The following RAB4B variants were observed in gnomAD, a reference collection of about 807,000 sequenced individuals.
The protein encoded by RAB4B is RAB4B, member RAS oncogene family, also known as ras-related protein Rab-4B.
A neutral mutation model predicts 28.3 loss-of-function variants in RAB4B; 15 were observed. The ratio of observed to expected loss-of-function variants is 0.53; its 90% CI spans 0.35 to 0.82. RAB4B has a LOEUF of 0.82. RAB4B is among the 40% of genes least tolerant of loss of function. The pLI is 0.01. For missense variants in RAB4B, 244 were observed against 288.5 expected (o/e 0.85, Z 1.12); for synonymous variants, 108 against 116.3 (o/e 0.93, Z 0.46).
rs200729649 is a variant in RAB4B at position 40,793,578 on chromosome 19, T to G, written c.*16-2992T>G. 9.2e-3 allele frequency among the ~76,000 whole-genome samples: 422 copies of G among 45,976 alleles called. 2 individuals are homozygous for G. The highest frequency in any genetic ancestry group is 0.012 in the African/African-American group (242 of 20,908). The allele number at this position is 45,976 out of a possible 152,430, so 30.2% of individuals were successfully genotyped here. A position where few individuals can be genotyped will look rare whatever the true frequency, so the allele number is the denominator to read the frequency against. On this transcript the variant is annotated intron_variant, in intron 7 of 7. Transcript: ENST00000357052. Reference sequence around the variant, plus strand: ...TTCTTTTCTTTTCTTTTTTGTTTTTTTTTTTTTTTTTTTTTTTAGATATGG... The same window carrying G: ...TTCTTTTCTTTTCTTTTTTGTTTTTGTTTTTTTTTTTTTTTTTAGATATGG...
At chr19:40,796,197 C>G (rs1017203295) in intron 7 of RAB4B, 1 of 152,180 alleles carries the variant, frequency 6.6e-6, no homozygotes, top group Admixed American at 6.6e-5. Context: ...GACGGGGTTT[C>G]GTGGTGTTGC....
chr19:40,788,673 G>C (rs1428548419), intron 7 of RAB4B, among the ~76,000 whole-genome samples: 1 of 150,014 alleles, frequency 6.7e-6, no homozygotes, highest in Non-Finnish European at 1.5e-5. Context: ...TGAAACCTCC[G>C]CCTCCTGGGT....
chr19:40,785,380 A>G (rs1280021209), intron 5 of RAB4B, among the ~76,000 whole-genome samples: 1 of 145,000 alleles, frequency 6.9e-6, no homozygotes, highest in African/African-American at 2.6e-5. Context: ...GTGTGGTGGT[A>G]TGTGCCTGTG....
rs1318805195 is a variant in RAB4B, at chr19:40,796,658, TACGTTGCC to T, written c.*107_*114del. ...TAACCTGCCCTGGCCCCGGAGAAGCTACGTTGCCACCTGTCCCCCTTCCCTGGCCTGGT... is the reference window on the plus strand; with the variant it reads ...TAACCTGCCCTGGCCCCGGAGAAGCTACCTGTCCCCCTTCCCTGGCCTGGT... On this transcript the variant is annotated 3_prime_UTR_variant, in exon 8 of 8. Transcript: ENST00000357052. 2 of 152,908 alleles carry T rather than the reference TACGTTGCC, an allele frequency of 1.3e-5. No homozygotes were observed. Among genetic ancestry groups the T allele is most frequent in the Non-Finnish European group, 2.9e-5 (2 of 68,276 alleles). 9.5% of individuals were successfully genotyped at this position (152,908 alleles called of 1,614,324 possible). A position where few individuals can be genotyped will look rare whatever the true frequency, so the allele number is the denominator to read the frequency against.
chr19:40,780,067 C>T lies in RAB4B; in HGVS notation c.65C>T (p.Ser22Leu). The change falls in exon 2 of 8, where the codon TCA becomes TTA. Residue 22 changes from serine (S) to leucine (L), a missense_variant. Physicochemically the swap from Ser to Leu is moderately radical, Grantham distance 145. Transcript: ENST00000357052. ...ATTGGCAGTGCAGGAACTGGCAAAT[C>T]ATGTCTCCTTCATCAGTTCATTGAG... ...LVIGSAGTGK[S>L]CLLHQFIENK... 1 of 1,611,728 alleles carries T rather than the reference C, an allele frequency of 6.2e-7. No individual in the cohort carries two copies. The highest frequency in any genetic ancestry group is 1.1e-5 in the South Asian group (1 of 91,032).
chr19:40,778,389 AC>A lies in RAB4B; in HGVS notation c.15del (p.Tyr5Ter). On this transcript the variant is annotated frameshift_variant and splice_region_variant, in exon 1 of 8. Transcript: ENST00000357052. LOFTEE classifies it high-confidence loss of function. MAET[Y>X]DFLFKFLVIG... ...CGCGACCGAGTCATGGCTGAGACCTACGGTGAGGGTGGTGGACGAAGCTGGG... is the reference window on the plus strand; with the variant it reads ...CGCGACCGAGTCATGGCTGAGACCTAGGTGAGGGTGGTGGACGAAGCTGGG... The A allele has an allele frequency of 6.8e-7, 1 of 1,466,382 alleles. No individual in the cohort carries two copies. The highest frequency in any genetic ancestry group is 1.4e-5 in the South Asian group (1 of 71,966). 90.8% of individuals were successfully genotyped at this position (1,466,382 alleles called of 1,614,324 possible).
intron 7 of RAB4B, among the ~76,000 whole-genome samples, chr19:40,788,524 G>A (rs2083124643): frequency 1.3e-5 from 2 of 149,208 alleles, no homozygotes; most frequent in Admixed American, 6.7e-5. Flanking sequence ...TAGTAGTGAG[G>A]GAGGTAAGAA....
Position 40,780,014 on chromosome 19 carries a change from G to A in RAB4B, c.17-5G>A, listed in dbSNP as rs2083032115. ...GTATCCCTGATTTTGGCTCCATCTG[G>A]TCAGACTTCCTCTTCAAATTCCTGG... On this transcript the variant is annotated splice_polypyrimidine_tract_variant and splice_region_variant and intron_variant, in intron 1 of 7. Coordinates refer to ENST00000357052, the MANE Select transcript of RAB4B (RefSeq NM_016154.5). 2 of 1,612,310 alleles carry A rather than the reference G, an allele frequency of 1.2e-6. No homozygotes were observed. The highest frequency in any genetic ancestry group is 1.3e-5 in the African/African-American group (1 of 74,934).
intron 3 of RAB4B, among the ~76,000 whole-genome samples, chr19:40,783,231 A>C (rs1300822807): frequency 6.6e-6 from 1 of 151,338 alleles, no homozygotes; most frequent in African/African-American, 2.4e-5. Context: ...CAGGAGTTGG[A>C]GACCAGCCTC....
chr19:40,783,939 A>C lies in RAB4B; in HGVS notation c.294A>C (p.Ser98=), dbSNP rs1242004490. 1.9e-6 allele frequency: 3 copies of C among 1,611,844 alleles called. No individual in the cohort carries two copies. Residue 98 remains serine, a synonymous_variant, in exon 5 of 8, where the codon TCA becomes TCC. Coordinates refer to ENST00000357052, the MANE Select transcript of RAB4B (RefSeq NM_016154.5). ...TCCACAGCCGGGAGACATACAACTC[A>C]CTGGCTGCCTGGCTGACGGATGCCC... ...YDITSRETYN[S]LAAWLTDART...
intron 7 of RAB4B, among the ~76,000 whole-genome samples, chr19:40,791,380 C>T (rs1400287566): frequency 6.6e-6 from 1 of 152,092 alleles, no homozygotes; most frequent in Non-Finnish European, 1.5e-5. Flanking sequence ...CCATGCATCT[C>T]AGGGCCCCAG....
At chr19:40,786,508 C>T (rs918962485) in intron 5 of RAB4B, 157 bp from the exon 6 acceptor site, 18 of 1,113,930 alleles carry the variant, frequency 1.6e-5, no homozygotes, top group East Asian at 5.5e-5. Flanking sequence ...TATCGGGAAG[C>T]GGACATTAGT....
At chr19:40,786,794 G>A in intron 6 of RAB4B, 34 bp downstream of exon 6, 2 of 1,614,076 alleles carry the variant, frequency 1.2e-6, no homozygotes, top group South Asian at 1.1e-5. Flanking sequence ...GGGAGCGAAG[G>A]GCAGGCCCGG....
chr19:40,784,614 A>C (rs1049056967), intron 5 of RAB4B, among the ~76,000 whole-genome samples: 48 of 152,300 alleles, frequency 3.2e-4, no homozygotes, highest in African/African-American at 1.2e-3. Context: ...TCTGCCCCAC[A>C]GTGTGCTGTG....
At chr19:40,791,382 G>T (rs1348702994) in intron 7 of RAB4B, among the ~76,000 whole-genome samples, 1 of 151,998 alleles carries the variant, frequency 6.6e-6, no homozygotes, top group Non-Finnish European at 1.5e-5. Flanking sequence ...ATGCATCTCA[G>T]GGCCCCAGGA....
At chr19:40,795,795 C>T (rs1194419404) in intron 7 of RAB4B, among the ~76,000 whole-genome samples, 2 of 151,842 alleles carry the variant, frequency 1.3e-5, no homozygotes, top group East Asian at 3.9e-4. Context: ...GTAACTTCTG[C>T]CTCCTGGGTT....
chr19:40,789,774 C>T (rs1427917513), intron 7 of RAB4B, among the ~76,000 whole-genome samples: 3 of 152,204 alleles, frequency 2.0e-5, no homozygotes, highest in Non-Finnish European at 2.9e-5. Context: ...GCTGGGATTA[C>T]AGGCGTCAGC....
chr19:40,782,620 CTGGCCAACA>C (rs1179274580), intron 3 of RAB4B, among the ~76,000 whole-genome samples: 1 of 151,532 alleles, frequency 6.6e-6, no homozygotes, highest in East Asian at 1.9e-4. Context: ...CAATACCACA[CTGGCCAACA>C]TGGCGAAACC....
intron 3 of RAB4B, among the ~76,000 whole-genome samples, chr19:40,782,790 G>A (rs1042372083): frequency 2.0e-5 from 3 of 150,960 alleles, no homozygotes; most frequent in Non-Finnish European, 4.4e-5. Context: ...TTCAGCCTGG[G>A]CGACAGAGCA....
Sources: gnomAD v4.1 joint callset for allele counts (sites outside exome capture counted in the v4.1 genomes callset) on GRCh38, gnomAD v4.1.1 for gene constraint, MANE v1.5 for transcripts, NCBI Gene and HGNC (gene_info 2026-07-23, HGNC 2026-07-21) for gene names.